EBAG9: variants seen among roughly 807,000 people sequenced by gnomAD.
EBAG9 encodes the protein receptor-binding cancer antigen expressed on SiSo cells.
A neutral mutation model predicts 30.9 loss-of-function variants in EBAG9; 16 were observed. The observed-to-expected ratio is 0.52, with a 90% confidence interval of 0.35 to 0.79. EBAG9 has a LOEUF of 0.79. Ranked by LOEUF, EBAG9 falls within the 30% of genes least tolerant of loss-of-function variation. The pLI, the probability that EBAG9 is intolerant of heterozygous loss-of-function variation, is 0.01. For synonymous variants in EBAG9, 93 were observed against 82.8 expected (o/e 1.12, Z -0.67); for missense variants, 197 against 242.1 (o/e 0.81, Z 1.24).
At chr8:109,553,335 A>G (rs544295906) in intron 2 of EBAG9, among the ~76,000 whole-genome samples, 2 of 152,344 alleles carry the variant, frequency 1.3e-5, no homozygotes, top group South Asian at 2.1e-4. Context: ...TCCACAGCCC[A>G]TGTTCTTAAC....
Position 109,554,795 on chromosome 8 carries a change from A to C in EBAG9, c.229A>C (p.Asn77His). The change falls in exon 4 of 7, where the codon AAT becomes CAT. Residue 77 changes from asparagine (N) to histidine (H), a missense_variant. Physicochemically the swap from Asn to His is moderately conservative, Grantham distance 68. Coordinates refer to ENST00000337573, the MANE Select transcript of EBAG9 (RefSeq NM_004215.5). ...APTSVKIEGG[N>H]GNVATQQNSL... ...CACCAGTGTAAAGATCGAAGGAGGGAATGGGAATGTGGCAACACAACAAAA... is the reference window on the plus strand; with the variant it reads ...CACCAGTGTAAAGATCGAAGGAGGGCATGGGAATGTGGCAACACAACAAAA... The C allele has an allele frequency of 1.2e-6, 2 of 1,613,854 alleles. 1 individual carries two copies. The highest frequency in any genetic ancestry group is 2.2e-5 in the South Asian group (2 of 91,064).
chr8:109,548,370 A>G (rs1357234618), intron 1 of EBAG9, among the ~76,000 whole-genome samples: 1 of 152,072 alleles, frequency 6.6e-6, no homozygotes, highest in African/African-American at 2.4e-5. Context: ...CCAATACTAC[A>G]CAGTTTTGAT....
intron 5 of EBAG9, 22 bp downstream of exon 5, chr8:109,557,064 G>A: frequency 6.8e-7 from 1 of 1,465,142 alleles, no homozygotes; most frequent in Non-Finnish European, 9.4e-7. Context: ...AATGGTTCTA[G>A]GGAAGGGTTT....
chr8:109,556,923 T>C lies in EBAG9; in HGVS notation c.322-12T>C. On this transcript the variant is annotated splice_polypyrimidine_tract_variant and intron_variant, in intron 4 of 6. Coordinates refer to ENST00000337573, the MANE Select transcript of EBAG9 (RefSeq NM_004215.5). ...AAAGATCCCTATAATTCTTTTTCAA[T>C]TAATCTTTCAGATTGTTATTAAGAA... 1 of 1,503,740 alleles carries C rather than the reference T, an allele frequency of 6.7e-7. No homozygotes were observed. Among genetic ancestry groups the C allele is most frequent in the Non-Finnish European group, 9.1e-7 (1 of 1,102,564 alleles). The allele number at this position is 1,503,740 out of a possible 1,614,324, so 93.1% of individuals were successfully genotyped here. A position where few individuals can be genotyped will look rare whatever the true frequency, so the allele number is the denominator to read the frequency against.
intron 1 of EBAG9, among the ~76,000 whole-genome samples, chr8:109,546,506 T>C (rs529834205): frequency 6.6e-6 from 1 of 152,354 alleles, no homozygotes; most frequent in South Asian, 2.1e-4. Context: ...CACTCTATAT[T>C]TGTTTATAAT....
intron 1 of EBAG9, among the ~76,000 whole-genome samples, chr8:109,542,804 G>A (rs1020495382): frequency 1.3e-5 from 2 of 152,038 alleles, no homozygotes; most frequent in African/African-American, 4.8e-5. Flanking sequence ...CTAGAGAAGG[G>A]TTGTACAGGG....
chr8:109,542,849 T>C (rs1415919088), intron 1 of EBAG9, among the ~76,000 whole-genome samples: 1 of 151,966 alleles, frequency 6.6e-6, no homozygotes, highest in Non-Finnish European at 1.5e-5. Context: ...TAATACAAAA[T>C]AAAAAATGTT....
chr8:109,562,484 A>G (rs1046302388), intron 6 of EBAG9, among the ~76,000 whole-genome samples: 1 of 152,014 alleles, frequency 6.6e-6, no homozygotes, highest in African/African-American at 2.4e-5. Flanking sequence ...CTGAATAGAC[A>G]TTGAGCATTT....
At chr8:109,554,634 A>C in intron 3 of EBAG9, 95 bp from the exon 4 acceptor site, 1 of 1,264,368 alleles carries the variant, frequency 7.9e-7, no homozygotes, top group South Asian at 1.6e-5. Flanking sequence ...TTTGAAAACC[A>C]GTGTTTTAGA....
chr8:109,560,074 A>G (rs1821681267), intron 5 of EBAG9, among the ~76,000 whole-genome samples: 1 of 152,202 alleles, frequency 6.6e-6, no homozygotes, highest in Non-Finnish European at 1.5e-5. Context: ...ATGATATTAA[A>G]TAAATGTGTT....
At chr8:109,549,989 GTCTT>G (rs1295973907) in intron 1 of EBAG9, among the ~76,000 whole-genome samples, 2 of 151,948 alleles carry the variant, frequency 1.3e-5, no homozygotes, top group South Asian at 2.1e-4. Context: ...GAGTGGGGCG[GTCTT>G]TCTTTCTTAT....
chr8:109,547,561 A>G (rs1387764562), intron 1 of EBAG9, among the ~76,000 whole-genome samples: 2 of 151,244 alleles, frequency 1.3e-5, no homozygotes, highest in Non-Finnish European at 2.9e-5. Context: ...GCTTACTTCA[A>G]GCTCTGCCTT....
At chr8:109,559,019 A>G (rs947738561) in intron 5 of EBAG9, among the ~76,000 whole-genome samples, 5 of 134,974 alleles carry the variant, frequency 3.7e-5, no homozygotes, top group African/African-American at 1.5e-4. Flanking sequence ...AATGGTCTCT[A>G]TAGTTTTACT....
At chr8:109,554,967 T>G in intron 4 of EBAG9, 80 bp downstream of exon 4, 1 of 1,409,632 alleles carries the variant, frequency 7.1e-7, no homozygotes, top group African/African-American at 1.4e-5. Flanking sequence ...CAATTCACAT[T>G]TATTAGAAAG....
At chr8:109,561,008 C>T (rs928660275) in intron 6 of EBAG9, 79 bp downstream of exon 6, 13 of 1,220,522 alleles carry the variant, frequency 1.1e-5, no homozygotes, top group African/African-American at 1.6e-5. Context: ...TCAAGGGAGC[C>T]TATTTTGCCA....
intron 6 of EBAG9, among the ~76,000 whole-genome samples, chr8:109,562,737 A>G (rs1821735451): frequency 6.6e-6 from 1 of 151,768 alleles, no homozygotes; most frequent in Admixed American, 6.6e-5. Context: ...TGGGACCAGA[A>G]GTGTTTCAGA....
chr8:109,539,834 C>T (rs1260415507), upstream of EBAG9: 2 of 152,214 alleles, frequency 1.3e-5, no homozygotes, highest in African/African-American at 4.8e-5. Flanking sequence ...AAGAGACAGG[C>T]AGCGCGCGTG....
At chr8:109,561,044 C>G in intron 6 of EBAG9, 115 bp downstream of exon 6, 1 of 809,670 alleles carries the variant, frequency 1.2e-6, no homozygotes, top group Non-Finnish European at 1.9e-6. Context: ...TTCATTTGAT[C>G]CTTAGATAAT....
chr8:109,563,669 C>G, intron 6 of EBAG9: 3 of 924,246 alleles, frequency 3.2e-6, no homozygotes. Context: ...GGGGGTTTGT[C>G]GTACAGATAT....
Sources: gnomAD v4.1 joint callset for allele counts (sites outside exome capture counted in the v4.1 genomes callset) on GRCh38, gnomAD v4.1.1 for gene constraint, MANE v1.5 for transcripts, NCBI Gene and HGNC (gene_info 2026-07-23, HGNC 2026-07-21) for gene names.